ABCA4: variants seen among roughly 807,000 people sequenced by gnomAD.
ABCA4 encodes the protein retinal-specific phospholipid-transporting ATPase ABCA4.
A neutral mutation model predicts 263.7 loss-of-function variants in ABCA4; 196 were observed. The ratio of observed to expected loss-of-function variants is 0.74; its 90% CI spans 0.66 to 0.84. ABCA4 has a LOEUF of 0.84. ABCA4 is among the 40% of genes least tolerant of loss of function. ABCA4 has a pLI of 0.00. For synonymous variants in ABCA4, 1,133 were observed against 1,094.2 expected (o/e 1.04, Z -0.70); for missense variants, 2,792 against 2,855.1 (o/e 0.98, Z 0.50).
At chr1:94,003,308 T>G (rs1189993460) in intron 44 of ABCA4, among the ~76,000 whole-genome samples, 3 of 152,184 alleles carry the variant, frequency 2.0e-5, no homozygotes, top group African/African-American at 7.2e-5. Context: ...TCCATAGCTC[T>G]TTCTTTGTCT....
In ABCA4 at chr1:94,021,907, A is replaced by T. The variant is rs761054421; in HGVS notation, c.4712T>A (p.Ile1571Asn). The change falls in exon 33 of 50, where the codon ATC becomes AAC. Residue 1571 changes from isoleucine to asparagine, a missense_variant. Transcript: ENST00000370225. ...SIGGKLPVVP[I>N]TGEALVGFLS... ...AAACCCAACAAGTGCTTCCCCCGTG[A>T]TGGGGACGACTGGGAGCTTTCCTCC... The T allele has an allele frequency of 5.0e-6, 8 of 1,614,190 alleles. No individual in the cohort carries two copies. The highest frequency in any genetic ancestry group is 6.8e-6 in the Non-Finnish European group (8 of 1,180,030).
At chr1:94,024,851 T>G (rs1038779998) in intron 31 of ABCA4, 103 bp downstream of exon 31, 1 of 1,039,088 alleles carries the variant, frequency 9.6e-7, no homozygotes, top group African/African-American at 1.6e-5. Context: ...AAAAATCTAC[T>G]GCCCTGATCA....
intron 5 of ABCA4, among the ~76,000 whole-genome samples, chr1:94,099,807 G>T (rs1403528101): frequency 6.6e-6 from 1 of 152,162 alleles, no homozygotes; most frequent in Non-Finnish European, 1.5e-5. Context: ...CATCTATCTT[G>T]TCTGCAGGCC....
chr1:94,038,377 G>C (rs963952307), intron 24 of ABCA4, among the ~76,000 whole-genome samples: 16 of 152,216 alleles, frequency 1.1e-4, no homozygotes, highest in Non-Finnish European at 2.1e-4. Flanking sequence ...AGGTCAAAGG[G>C]AGAGGGATTC....
rs1661667129 is a variant in ABCA4 at position 94,080,618 on chromosome 1, G to T, written c.959C>A (p.Ser320Tyr). The change falls in exon 8 of 50, where the codon TCT (serine) becomes TAT (tyrosine). Residue 320 changes from serine to tyrosine, a missense_variant. Transcript: ENST00000370225. ...ETFTKLMGIL[S>Y]DLLCGYPEGG... ...CTCGGGGTAGCCACACAGGAGGTCA[G>T]ACAGGATGCCCATCAGCTTTGTAAA... 6.2e-7 allele frequency: 1 copy of T among 1,614,192 alleles called. No individual in the cohort carries two copies.
rs1287179107 is a variant in ABCA4 at position 94,024,970 on chromosome 1, C to T, written c.4618G>A (p.Ala1540Thr). The change falls in exon 31 of 50, where the codon GCT becomes ACT. Residue 1540 changes from alanine (A) to threonine (T), a missense_variant. Ala to Thr is a moderately conservative substitution (Grantham distance 58). Transcript: ENST00000370225. Reference sequence around the variant, plus strand: ...TCTTCTTACCTGCTTCTTATAAGAGCAGGATACGTTTTTACCAAGAAGTCG... The same window carrying T: ...TCTTCTTACCTGCTTCTTATAAGAGTAGGATACGTTTTTACCAAGAAGTCG... The part of the protein sequence containing the change: ...ISDFLVKTYP[A>T]LIRSSLKSKF... 1 of 1,613,948 alleles carries T rather than the reference C, an allele frequency of 6.2e-7. No homozygotes were observed. Among genetic ancestry groups the T allele is most frequent in the Non-Finnish European group, 8.5e-7 (1 of 1,179,946 alleles).
chr1:94,109,073 T>C (rs1024517197), intron 3 of ABCA4, among the ~76,000 whole-genome samples: 14 of 152,174 alleles, frequency 9.2e-5, no homozygotes, highest in African/African-American at 3.4e-4. Context: ...TGCTTGGCCA[T>C]CTCATGCTAT....
intron 16 of ABCA4, among the ~76,000 whole-genome samples, chr1:94,054,139 C>T (rs545398565): frequency 3.3e-5 from 5 of 152,302 alleles, no homozygotes; most frequent in South Asian, 2.1e-4. Context: ...AATACACGAC[C>T]GTGCAAACAG....
Position 94,103,031 on chromosome 1 carries a change from T to C in ABCA4, c.554A>G (p.Gln185Arg). Reference protein sequence around the residue: ...DSVVYLLINSQVRPEQFAHGV... With the variant: ...DSVVYLLINSRVRPEQFAHGV... ...TCCCCCTACCTGCTCTGGACGGACT[T>C]GAGAGTTGATCAGAAGGTAGACCAC... Residue 185 changes from glutamine to arginine, a missense_variant, in exon 5 of 50, where the codon CAA becomes CGA. Transcript: ENST00000370225. 1 of 1,614,062 alleles carries C rather than the reference T, an allele frequency of 6.2e-7. No individual in the cohort carries two copies. The highest frequency in any genetic ancestry group is 2.2e-5 in the East Asian group (1 of 44,884).
intron 19 of ABCA4, among the ~76,000 whole-genome samples, 177 bp from the exon 20 acceptor site, chr1:94,044,921 C>A (rs189302552): frequency 5.1e-4 from 77 of 152,328 alleles, no homozygotes; most frequent in Non-Finnish European, 9.4e-4. Flanking sequence ...ACATCCAGGC[C>A]CTAATGCAGA....
At chr1:94,050,935 TC>T (rs1168657421) in intron 17 of ABCA4, among the ~76,000 whole-genome samples, 1 of 151,918 alleles carries the variant, frequency 6.6e-6, no homozygotes, top group Admixed American at 6.6e-5. Flanking sequence ...TCTAGGGGAG[TC>T]CCCCGCTTTC....
chr1:94,031,728 G>T, intron 27 of ABCA4, 50 bp downstream of exon 27: 1 of 1,610,386 alleles, frequency 6.2e-7, no homozygotes, highest in African/African-American at 1.3e-5. Context: ...GGAGGGGAAG[G>T]CTGGGAGAGG....
intron 10 of ABCA4, among the ~76,000 whole-genome samples, chr1:94,078,384 C>T (rs1009433771): frequency 1.3e-5 from 2 of 152,190 alleles, no homozygotes; most frequent in East Asian, 1.9e-4. Flanking sequence ...AGACTTCTCC[C>T]AGAATTCAAG....
At chr1:94,043,207 T>C (rs1660566278) in intron 21 of ABCA4, 129 bp downstream of exon 21, 1 of 1,336,668 alleles carries the variant, frequency 7.5e-7, no homozygotes, top group East Asian at 2.4e-5. Flanking sequence ...CTTAGATTTT[T>C]GGTGTAACTT....
intron 27 of ABCA4, among the ~76,000 whole-genome samples, chr1:94,031,576 A>T (rs1392143612): frequency 6.6e-6 from 1 of 152,200 alleles, no homozygotes; most frequent in Non-Finnish European, 1.5e-5. Context: ...TTTCTTTGCT[A>T]GGGGAGGTCC....
chr1:94,091,801 T>G (rs554931), intron 6 of ABCA4, among the ~76,000 whole-genome samples: 1 of 152,090 alleles, frequency 6.6e-6, no homozygotes, highest in African/African-American at 2.4e-5. Flanking sequence ...CTAAGGGGCC[T>G]TTAGGCCTTG....
chr1:94,039,709 C>T (rs1660435544), intron 24 of ABCA4, among the ~76,000 whole-genome samples: 1 of 152,228 alleles, frequency 6.6e-6, no homozygotes, highest in Non-Finnish European at 1.5e-5. Flanking sequence ...CCACGGCACA[C>T]ATGTAGAAGA....
rs368692594 is a variant in ABCA4, at chr1:94,040,082, C to G, written c.3568G>C (p.Ala1190Pro). ...SSKGFSTTCP[A>P]HVDDLTPEQV... is the part of the protein sequence containing the mutation. Reference sequence around the variant, plus strand: ...TCTGGAGTTAGGTCATCGACGTGGGCTGGACACGTGGTGGAGAAACCCTTA... The same window carrying G: ...TCTGGAGTTAGGTCATCGACGTGGGGTGGACACGTGGTGGAGAAACCCTTA... The change falls in exon 24 of 50, where the codon GCC becomes CCC. Residue 1190 changes from alanine (A) to proline (P), a missense_variant. By Grantham distance (27) the Ala-to-Pro change is conservative. Coordinates refer to ENST00000370225, the MANE Select transcript of ABCA4 (RefSeq NM_000350.3). The G allele has an allele frequency of 1.2e-6, 2 of 1,610,030 alleles. No homozygotes were observed. The highest frequency in any genetic ancestry group is 1.3e-5 in the African/African-American group (1 of 74,886).
chr1:94,017,434 C>G (rs1041880625), intron 36 of ABCA4, among the ~76,000 whole-genome samples: 1 of 152,230 alleles, frequency 6.6e-6, no homozygotes, highest in African/African-American at 2.4e-5. Flanking sequence ...AAATAACCAG[C>G]CTGCAGTCCT....
Sources: allele counts gnomAD v4.1 joint callset (sites outside exome capture counted in the v4.1 genomes callset), GRCh38; gene constraint gnomAD v4.1.1; transcripts MANE v1.5; gene names NCBI Gene and HGNC (gene_info 2026-07-23, HGNC 2026-07-21).